Variants in SIL1 observed in about 807,000 individuals in gnomAD.
SIL1 encodes SIL1 nucleotide exchange factor, also known as nucleotide exchange factor SIL1.
SIL1 carries 40 observed loss-of-function variants against 49.1 expected under a neutral mutation model. The ratio of observed to expected loss-of-function variants is 0.81; its 90% CI spans 0.63 to 1.06. The LOEUF is 1.06. Ranked by LOEUF, SIL1 falls within the 50% of genes least tolerant of loss-of-function variation. SIL1 has a pLI of 0.00. For synonymous variants in SIL1, 253 were observed against 250.8 expected (o/e 1.01, Z -0.08); for missense variants, 500 against 572.6 (o/e 0.87, Z 1.29).
intron 3 of SIL1, among the ~76,000 whole-genome samples, chr5:139,059,180 A>G (rs1769527633): frequency 6.6e-6 from 1 of 152,196 alleles, no homozygotes. Flanking sequence ...TAATTCCCAC[A>G]TGTCATGGGA....
intron 7 of SIL1, 112 bp downstream of exon 7, chr5:139,021,059 A>G: frequency 2.0e-6 from 3 of 1,485,578 alleles, no homozygotes; most frequent in Non-Finnish European, 2.8e-6. Context: ...CTCTAGTTTC[A>G]TTGAGATGAC....
In SIL1 at chr5:139,047,452, T is replaced by C. The variant is rs112253406; in HGVS notation, c.353+3486A>G. ...TGGCCAGCCACACAACCAGTAAAAATAGTAGAAAGACTGCCATGAATTTTG... is the reference window on the plus strand; with the variant it reads ...TGGCCAGCCACACAACCAGTAAAAACAGTAGAAAGACTGCCATGAATTTTG... On this transcript the variant is annotated intron_variant, in intron 4 of 9. Transcript: ENST00000394817. 5.5e-3 allele frequency among the ~76,000 whole-genome samples: 845 copies of C among 152,300 alleles called. 4 individuals are homozygous for C. The highest frequency in any genetic ancestry group is 0.019 in the African/African-American group (810 of 41,558).
intron 3 of SIL1, among the ~76,000 whole-genome samples, chr5:139,098,508 G>A (rs1446784885): frequency 1.3e-5 from 2 of 151,990 alleles, no homozygotes; most frequent in Non-Finnish European, 2.9e-5. Context: ...AAACATTGGG[G>A]AAAATCTCCA....
chr5:139,111,193 A>G lies in SIL1; in HGVS notation c.244+9842T>C, dbSNP rs568438470. 3.9e-5 allele frequency among the ~76,000 whole-genome samples: 6 copies of G among 152,270 alleles called. No individual in the cohort carries two copies. The East Asian group carries it at 1.2e-3, about 29-fold the overall frequency. On this transcript the variant is annotated intron_variant, in intron 3 of 9. Coordinates refer to ENST00000394817, the MANE Select transcript of SIL1 (RefSeq NM_022464.5). ...TGGGTACTTCTCTTTCATTGCTCAAAGCAGAAGACCACCCTCAGCTTGGCT... is the reference window on the plus strand; with the variant it reads ...TGGGTACTTCTCTTTCATTGCTCAAGGCAGAAGACCACCCTCAGCTTGGCT...
chr5:139,163,698 T>C (rs769056603), intron 1 of SIL1, among the ~76,000 whole-genome samples: 4 of 152,196 alleles, frequency 2.6e-5, no homozygotes, highest in Non-Finnish European at 5.9e-5. Context: ...TTATCAGTTA[T>C]TAAATATGCA....
At chr5:139,029,267 G>A (rs573510653) in intron 5 of SIL1, among the ~76,000 whole-genome samples, 3 of 152,312 alleles carry the variant, frequency 2.0e-5, no homozygotes, top group South Asian at 4.1e-4. Context: ...TGTTAACACT[G>A]CCACTGTTGA....
At chr5:139,010,365 T>G (rs950715588) in intron 7 of SIL1, among the ~76,000 whole-genome samples, 6 of 150,356 alleles carry the variant, frequency 4.0e-5, no homozygotes, top group African/African-American at 1.5e-4. Flanking sequence ...TACATTCTTC[T>G]AATTTTTTTT....
At chr5:138,963,062 T>A (rs1335444832) in intron 7 of SIL1, among the ~76,000 whole-genome samples, 2 of 152,214 alleles carry the variant, frequency 1.3e-5, no homozygotes, top group African/African-American at 2.4e-5. Context: ...CTGAGATTTA[T>A]CAACTTTATT....
At chr5:139,132,264 C>T (rs1750880538) in intron 1 of SIL1, among the ~76,000 whole-genome samples, 1 of 152,196 alleles carries the variant, frequency 6.6e-6, no homozygotes, top group African/African-American at 2.4e-5. Context: ...GCACACACAG[C>T]AGCTTCCCCC....
intron 7 of SIL1, among the ~76,000 whole-genome samples, chr5:138,996,151 C>G (rs942948797): frequency 2.6e-5 from 4 of 152,138 alleles, no homozygotes; most frequent in African/African-American, 9.7e-5. Context: ...GCATTCCTAC[C>G]AACAATGTAC....
At chr5:138,999,594 T>C (rs1170639399) in intron 7 of SIL1, among the ~76,000 whole-genome samples, 1 of 152,160 alleles carries the variant, frequency 6.6e-6, no homozygotes, top group Non-Finnish European at 1.5e-5. Context: ...TGAGGTTATA[T>C]AGGGAGCTAT....
At chr5:139,034,421 C>T (rs1768858523) in intron 5 of SIL1, 1 of 152,022 alleles carries the variant, frequency 6.6e-6, no homozygotes, top group Admixed American at 6.6e-5. Context: ...TCCCATTTCT[C>T]ACCTTCCTGT....
At chr5:139,177,814 T>C (rs771314916) in intron 1 of SIL1, among the ~76,000 whole-genome samples, 22 of 152,268 alleles carry the variant, frequency 1.4e-4, no homozygotes, top group Non-Finnish European at 2.6e-4. Flanking sequence ...AGCCCATTTC[T>C]GGCCCTCCAG....
At chr5:139,078,379 A>T (rs549236191) in intron 3 of SIL1, among the ~76,000 whole-genome samples, 25 of 150,462 alleles carry the variant, frequency 1.7e-4, no homozygotes, top group African/African-American at 5.1e-4. Context: ...AAGGAATTTA[A>T]AAAAAAAAGG....
At chr5:139,140,408 T>C (rs1326425407) in intron 1 of SIL1, among the ~76,000 whole-genome samples, 2 of 152,150 alleles carry the variant, frequency 1.3e-5, no homozygotes, top group African/African-American at 2.4e-5. Flanking sequence ...CGAGGATGGG[T>C]CACCAAGCAC....
chr5:139,192,074 C>CA (rs10700186), intron 1 of SIL1, among the ~76,000 whole-genome samples: 31,019 of 66,970 alleles, frequency 0.46, 6,737 homozygotes, highest in Non-Finnish European at 0.52. Context: ...GATGCTGTCT[C>CA]AAAAAAAAAA....
chr5:139,038,624 C>T (rs986777392), intron 5 of SIL1, among the ~76,000 whole-genome samples: 1 of 152,198 alleles, frequency 6.6e-6, no homozygotes, highest in Admixed American at 6.5e-5. Flanking sequence ...TCTCCCAAAT[C>T]GTACCCCTAC....
chr5:139,161,165 C>T (rs1035005337), intron 1 of SIL1, among the ~76,000 whole-genome samples: 101 of 152,258 alleles, frequency 6.6e-4, no homozygotes, highest in African/African-American at 2.4e-3. Context: ...ATCGCTTGAA[C>T]CTGGGAGGCA....
intron 1 of SIL1, among the ~76,000 whole-genome samples, chr5:139,176,208 C>T (rs987990838): frequency 1.3e-5 from 2 of 152,158 alleles, no homozygotes; most frequent in African/African-American, 4.8e-5. Flanking sequence ...TTTCCAATAA[C>T]ATGTTCCTAA....
Sources: allele counts gnomAD v4.1 joint callset (sites outside exome capture counted in the v4.1 genomes callset), GRCh38; gene constraint gnomAD v4.1.1; transcripts MANE v1.5; gene names NCBI Gene and HGNC (gene_info 2026-07-23, HGNC 2026-07-21).